The following PACRG variants were observed in gnomAD, a reference collection of about 807,000 sequenced individuals.
PACRG encodes parkin coregulated gene protein.
Under a neutral mutation model 29.7 loss-of-function variants are expected in PACRG, and 29 were observed. The observed-to-expected ratio is 0.98, with a 90% CI of 0.73 to 1.33. The LOEUF (loss-of-function observed/expected upper bound fraction) is 1.33, where lower values mean the gene tolerates loss of function less well. Among genes scored for constraint, PACRG ranks in the 40% most tolerant of loss-of-function variants. The pLI is 0.00. For missense variants in PACRG, 279 were observed against 316.2 expected, an observed-to-expected ratio of 0.88 and a Z score of 0.89; for synonymous variants, 116 against 118.7, an observed-to-expected ratio of 0.98 and a Z score of 0.15.
At chr6:162,957,208 CT>C in intron 2 of PACRG, 1 of 387,184 alleles carries the variant, frequency 2.6e-6, no homozygotes, top group Non-Finnish European at 5.0e-6. Context: ...TGGGGCCCAG[CT>C]TATGCCTTCA....
intron 4 of PACRG, among the ~76,000 whole-genome samples, chr6:163,117,041 A>G (rs1342523000): frequency 6.6e-6 from 1 of 152,182 alleles, no homozygotes; most frequent in Non-Finnish European, 1.5e-5. Flanking sequence ...GTTTCATCCA[A>G]AAGCTGGGTG....
In PACRG at chr6:162,875,256, C is replaced by T. The variant is rs369555499; in HGVS notation, c.291+60975C>T. 1.5e-3 allele frequency among the ~76,000 whole-genome samples: 222 copies of T among 151,928 alleles called. 2 individuals carry two copies. In the East Asian group the frequency reaches 0.017, roughly 12 times the overall value. ...ACATGCACAGACATTCACACACAGA[C>T]ATGCACACACAGTCATCCACACACA... On this transcript the variant is annotated intron_variant, in intron 2 of 4. Transcript: ENST00000366888.
chr6:162,774,708 A>G (rs1323579138), intron 1 of PACRG, among the ~76,000 whole-genome samples: 3 of 152,022 alleles, frequency 2.0e-5, no homozygotes, highest in Admixed American at 6.6e-5. Context: ...GTTTTTTTCT[A>G]GCTTTCTTGT....
At chr6:162,829,105 G>A (rs1788526224) in intron 2 of PACRG, among the ~76,000 whole-genome samples, 1 of 152,052 alleles carries the variant, frequency 6.6e-6, no homozygotes, top group South Asian at 2.1e-4. Context: ...CATTTTTTGT[G>A]TCCCCTTTCT....
intron 4 of PACRG, among the ~76,000 whole-genome samples, chr6:163,146,058 C>T (rs1231131299): frequency 1.3e-5 from 2 of 152,198 alleles, no homozygotes; most frequent in Non-Finnish European, 2.9e-5. Flanking sequence ...TTCTACTGTT[C>T]TCTTCTCCCT....
intron 4 of PACRG, among the ~76,000 whole-genome samples, chr6:163,301,866 G>A (rs1179136199): frequency 6.6e-6 from 1 of 152,144 alleles, no homozygotes; most frequent in African/African-American, 2.4e-5. Context: ...CTTACAGATG[G>A]ATATTATTTC....
chr6:162,989,499 A>C (rs936850945), intron 2 of PACRG, among the ~76,000 whole-genome samples: 1 of 152,190 alleles, frequency 6.6e-6, no homozygotes, highest in Non-Finnish European at 1.5e-5. Context: ...ATCCTCCTGT[A>C]TACTTTAAAC....
At chr6:163,010,859 G>T (rs1325031635) in intron 2 of PACRG, among the ~76,000 whole-genome samples, 3 of 152,188 alleles carry the variant, frequency 2.0e-5, no homozygotes, top group Admixed American at 6.5e-5. Flanking sequence ...AACCCGAGAG[G>T]CTGTGCAGTG....
chr6:163,115,673 A>G lies in PACRG; in HGVS notation c.613+26265A>G, dbSNP rs533684604. Among the ~76,000 whole-genome samples, 117 of 152,296 alleles carry G rather than the reference A, an allele frequency of 7.7e-4. 1 individual carries two copies. Among genetic ancestry groups the G allele is most frequent in the Admixed American group, 2.4e-3 (37 of 15,306 alleles). On this transcript the variant is annotated intron_variant, in intron 4 of 4. Coordinates refer to ENST00000366888, the MANE Select transcript of PACRG (RefSeq NM_001080379.2). The stretch of plus-strand genomic sequence containing the variant: ...GGACGAGGCTGCGATTGCAATGTGA[A>G]GTCAGCATGCATCTACTGTAATTTA...
At chr6:163,067,135 CT>C (rs1562883648) in intron 3 of PACRG, among the ~76,000 whole-genome samples, 6 of 152,124 alleles carry the variant, frequency 3.9e-5, no homozygotes, top group African/African-American at 1.2e-4. Context: ...AACAGCCTTC[CT>C]GCTGTAGCAC....
At chr6:163,000,998 G>A (rs763693336) in intron 2 of PACRG, among the ~76,000 whole-genome samples, 6 of 152,310 alleles carry the variant, frequency 3.9e-5, no homozygotes, top group Middle Eastern at 3.4e-3. Context: ...GATTTTGAAG[G>A]AGAGGCAAGA....
At chr6:163,309,390 T>C (rs1309250378) in intron 4 of PACRG, among the ~76,000 whole-genome samples, 1 of 152,140 alleles carries the variant, frequency 6.6e-6, no homozygotes, top group African/African-American at 2.4e-5. Flanking sequence ...GCGGCTAAGG[T>C]GAATGTTGTT....
chr6:162,923,922 C>T (rs1437667881), intron 2 of PACRG, among the ~76,000 whole-genome samples: 1 of 151,898 alleles, frequency 6.6e-6, no homozygotes, highest in Non-Finnish European at 1.5e-5. Context: ...TGAAGAATGC[C>T]ATTGGTATTT....
chr6:163,217,581 A>G (rs1001140374), intron 4 of PACRG, among the ~76,000 whole-genome samples: 5 of 152,184 alleles, frequency 3.3e-5, no homozygotes, highest in African/African-American at 1.2e-4. Context: ...GTGCTCTGTT[A>G]GGAAGCAGCT....
rs532426600 is a variant in PACRG at position 163,124,364 on chromosome 6, T to A, written c.613+34956T>A. Reference sequence around the variant, plus strand: ...GACCAGGACTTGCTAAGTTTTTTTTTAAATTAGGAAAATACATAGAATGTG... The same window carrying A: ...GACCAGGACTTGCTAAGTTTTTTTTAAAATTAGGAAAATACATAGAATGTG... On this transcript the variant is annotated intron_variant, in intron 4 of 4. Coordinates refer to ENST00000366888, the MANE Select transcript of PACRG (RefSeq NM_001080379.2). Among the ~76,000 whole-genome samples, 483 of 152,224 alleles carry A rather than the reference T, an allele frequency of 3.2e-3. 1 individual carries two copies. The highest frequency in any genetic ancestry group is 0.011 in the African/African-American group (463 of 41,516).
At chr6:163,096,845 T>G (rs184726011) in intron 4 of PACRG, among the ~76,000 whole-genome samples, 2 of 152,328 alleles carry the variant, frequency 1.3e-5, no homozygotes, top group Admixed American at 6.5e-5. Context: ...TTTAAGTTAA[T>G]ATCATAATTA....
Position 162,911,425 on chromosome 6 carries a change from G to A in PACRG, c.291+97144G>A, listed in dbSNP as rs529858634. On this transcript the variant is annotated intron_variant, in intron 2 of 4. Coordinates refer to ENST00000366888, the MANE Select transcript of PACRG (RefSeq NM_001080379.2). ...ACCAAAAATAAATGCAATGTTCTGG[G>A]CCAATGGCCTGAAGTTACTTAACTG... Among the ~76,000 whole-genome samples the A allele has an allele frequency of 2.0e-5, 3 of 152,278 alleles. No individual in the cohort carries two copies. In the South Asian group the frequency reaches 6.2e-4, roughly 32 times the overall value.
At chr6:163,050,379 A>G (rs1041681039) in intron 2 of PACRG, among the ~76,000 whole-genome samples, 7 of 151,946 alleles carry the variant, frequency 4.6e-5, no homozygotes, top group African/African-American at 1.5e-4. Context: ...CCTTCCTCTC[A>G]TCTTCCTTGC....
At chr6:163,253,856 C>T (rs987000596) in intron 4 of PACRG, among the ~76,000 whole-genome samples, 2 of 152,242 alleles carry the variant, frequency 1.3e-5, no homozygotes, top group African/African-American at 4.8e-5. Context: ...GCTCCCGGCC[C>T]TGCAGTCACT....
Sources: gnomAD v4.1 joint callset for allele counts (sites outside exome capture counted in the v4.1 genomes callset) on GRCh38, gnomAD v4.1.1 for gene constraint, MANE v1.5 for transcripts, NCBI Gene and HGNC (gene_info 2026-07-23, HGNC 2026-07-21) for gene names.